PKN2: variants seen among roughly 807,000 people sequenced by gnomAD.
PKN2 encodes the protein protein kinase N2.
Under a neutral mutation model 119.1 loss-of-function variants are expected in PKN2, and 38 were observed. The observed-to-expected ratio is 0.32, with a 90% CI of 0.25 to 0.42. The LOEUF (loss-of-function observed/expected upper bound fraction) is 0.42, where lower values mean the gene tolerates loss of function less well. Among genes scored for constraint, PKN2 ranks in the 10% least tolerant of loss-of-function variants. The probability of loss-of-function intolerance (pLI) is 1.00; values close to 1 mark genes in which losing one functional copy is unlikely to be tolerated. For synonymous variants in PKN2, 390 were observed against 384.9 expected (o/e 1.01, Z -0.15); for missense variants, 850 against 1,165.1 (o/e 0.73, Z 3.94).
intron 2 of PKN2, among the ~76,000 whole-genome samples, chr1:88,749,980 G>T (rs1668922772): frequency 6.6e-6 from 1 of 152,150 alleles, no homozygotes; most frequent in Admixed American, 6.5e-5. Context: ...AAGACCAAAG[G>T]TTATATCATC....
intron 15 of PKN2, among the ~76,000 whole-genome samples, chr1:88,807,981 G>T (rs1671618626): frequency 6.6e-6 from 1 of 151,834 alleles, no homozygotes. Context: ...CTGGTTAATG[G>T]ATACCAAAAA....
rs948306251 is a variant in PKN2 at position 88,835,820 on chromosome 1, A to G, written c.*2372A>G. The G allele has an allele frequency of 7.2e-5, 11 of 152,546 alleles. No individual in the cohort carries two copies. The highest frequency in any genetic ancestry group is 2.7e-4 in the African/African-American group (11 of 41,452). 9.4% of individuals were successfully genotyped at this position (152,546 alleles called of 1,614,324 possible). A position where few individuals can be genotyped will look rare whatever the true frequency, so the allele number is the denominator to read the frequency against. ...GAAATTTGTAACTTTGGTTTTAAGT[A>G]TTCTTTCCTTTTAGAAACTTCCTAA... is the stretch of plus-strand genomic sequence containing the variant. On this transcript the variant is annotated 3_prime_UTR_variant, in exon 22 of 22. Coordinates refer to ENST00000370521, the MANE Select transcript of PKN2 (RefSeq NM_006256.4).
chr1:88,723,696 A>G (rs950290418), intron 1 of PKN2, among the ~76,000 whole-genome samples: 1 of 152,144 alleles, frequency 6.6e-6, no homozygotes, highest in Non-Finnish European at 1.5e-5. Context: ...GTGTAAATCC[A>G]GGTATCCTTT....
At chr1:88,703,202 G>GT (rs898880570) in intron 1 of PKN2, among the ~76,000 whole-genome samples, 23 of 151,456 alleles carry the variant, frequency 1.5e-4, no homozygotes, top group Admixed American at 5.9e-4. Flanking sequence ...AGCAACCAAA[G>GT]TTTTTTTTTA....
chr1:88,730,164 C>CA (rs796401782), intron 1 of PKN2, among the ~76,000 whole-genome samples: 3,045 of 115,150 alleles, frequency 0.026, 29 homozygotes, highest in East Asian at 0.071. Context: ...GACTCCGTCT[C>CA]AAAAAAAAAA....
Position 88,805,610 on chromosome 1 carries a change from C to G in PKN2, c.1615C>G (p.Pro539Ala). The change falls in exon 11 of 22, where the codon CCT becomes GCT. Residue 539 changes from proline to alanine, a missense_variant. Physicochemically the swap from Pro to Ala is conservative, Grantham distance 27 (BLOSUM62 -1). Around this residue, in one of 9 missense-constraint regions of PKN2, gnomAD observed 216 missense variants for 252.8 expected, o/e 0.85. Coordinates refer to ENST00000370521, the MANE Select transcript of PKN2 (RefSeq NM_006256.4). ...NHSGTFSPQAPVPTTVPVVDV... is the reference protein window; with the variant it reads ...NHSGTFSPQAAVPTTVPVVDV... ...TTCTGGCACCTTCAGCCCTCAAGCTCCTGTGCCTACTACAGTGCCAGTGGT... is the reference window on the plus strand; with the variant it reads ...TTCTGGCACCTTCAGCCCTCAAGCTGCTGTGCCTACTACAGTGCCAGTGGT... The G allele has an allele frequency of 6.2e-7, 1 of 1,614,064 alleles. No homozygotes were observed. The highest frequency in any genetic ancestry group is 8.5e-7 in the Non-Finnish European group (1 of 1,179,996).
At chr1:88,718,776 A>G (rs1367545524) in intron 1 of PKN2, among the ~76,000 whole-genome samples, 1 of 152,194 alleles carries the variant, frequency 6.6e-6, no homozygotes, top group Non-Finnish European at 1.5e-5. Flanking sequence ...AATGAAATCC[A>G]GTATTTACTT....
chr1:88,746,769 G>T (rs1322885638), intron 2 of PKN2, among the ~76,000 whole-genome samples: 3 of 152,102 alleles, frequency 2.0e-5, no homozygotes, highest in Non-Finnish European at 4.4e-5. Flanking sequence ...TATATTCAAA[G>T]AAATTTAAAT....
chr1:88,751,623 T>C (rs1403083197), intron 2 of PKN2, among the ~76,000 whole-genome samples: 1 of 152,190 alleles, frequency 6.6e-6, no homozygotes, highest in African/African-American at 2.4e-5. Flanking sequence ...TTGTTGGCCA[T>C]GTTCTATTTA....
chr1:88,802,274 C>G (rs926124705), intron 8 of PKN2, among the ~76,000 whole-genome samples: 6 of 152,070 alleles, frequency 3.9e-5, no homozygotes, highest in South Asian at 4.2e-4. Context: ...AGCTTAAGGT[C>G]TGTGAGGTGA....
intron 2 of PKN2, among the ~76,000 whole-genome samples, chr1:88,751,374 A>G (rs894871535): frequency 6.8e-6 from 1 of 146,472 alleles, no homozygotes; most frequent in African/African-American, 2.7e-5. Context: ...ATATATTTAC[A>G]CATACACACA....
At chr1:88,753,484 G>T (rs1427289526) in intron 2 of PKN2, among the ~76,000 whole-genome samples, 1 of 151,800 alleles carries the variant, frequency 6.6e-6, no homozygotes, top group Non-Finnish European at 1.5e-5. Context: ...GTCTATTCTC[G>T]CACTGCTGTA....
At chr1:88,698,753 T>C (rs969790970) in intron 1 of PKN2, among the ~76,000 whole-genome samples, 1 of 152,234 alleles carries the variant, frequency 6.6e-6, no homozygotes, top group Admixed American at 6.5e-5. Flanking sequence ...ATTATAATTT[T>C]AAATTTTTGA....
At chr1:88,763,590 A>G (rs944354774) in intron 3 of PKN2, among the ~76,000 whole-genome samples, 2 of 149,594 alleles carry the variant, frequency 1.3e-5, no homozygotes, top group African/African-American at 5.0e-5. Flanking sequence ...CTGGGCAACA[A>G]AAGCAAAACT....
intron 7 of PKN2, among the ~76,000 whole-genome samples, chr1:88,785,858 A>C (rs558926657): frequency 6.6e-6 from 1 of 152,354 alleles, no homozygotes; most frequent in Admixed American, 6.5e-5. Flanking sequence ...TCTTTCAGTC[A>C]CATGCCAATG....
At position 88,807,322 on chromosome 1, in the gene PKN2, A is replaced by T; in HGVS notation, c.1813A>T (p.Thr605Ser). The T allele has an allele frequency of 6.4e-7, 1 of 1,560,294 alleles. No individual in the cohort carries two copies. The highest frequency in any genetic ancestry group is 1.2e-5 in the South Asian group (1 of 85,470). ...VLDIPGQDSE[T>S]VFDIQNDRNS... The stretch of plus-strand genomic sequence containing the variant: ...ATTTAATATTTTACAGGATTCAGAG[A>T]CTGTTTTTGATATTCAGAATGACAG... Residue 605 changes from threonine (T) to serine (S), a missense_variant, in exon 13 of 22, where the codon ACT (threonine) becomes TCT (serine). Thr to Ser is a moderately conservative substitution (Grantham distance 58, BLOSUM62 1). Transcript: ENST00000370521.
chr1:88,709,957 A>G (rs2100682952), intron 1 of PKN2, among the ~76,000 whole-genome samples: 1 of 152,300 alleles, frequency 6.6e-6, no homozygotes, highest in Admixed American at 6.5e-5. Context: ...CAGGTAAAAA[A>G]ATGATCCTTA....
intron 2 of PKN2, among the ~76,000 whole-genome samples, chr1:88,751,555 C>A (rs921159859): frequency 1.3e-5 from 2 of 152,034 alleles, no homozygotes; most frequent in African/African-American, 4.8e-5. Flanking sequence ...CAACTAGATT[C>A]TTGAATGGCA....
intron 1 of PKN2, among the ~76,000 whole-genome samples, chr1:88,710,757 T>G (rs1264174581): frequency 2.6e-5 from 4 of 152,238 alleles, no homozygotes; most frequent in Non-Finnish European, 5.9e-5. Flanking sequence ...TTCAAAGACC[T>G]AAAGACAGAA....
Sources: allele counts gnomAD v4.1 joint callset (sites outside exome capture counted in the v4.1 genomes callset), GRCh38; gene constraint gnomAD v4.1.1; regional missense constraint gnomAD v4.1.1; transcripts MANE v1.5; gene names NCBI Gene and HGNC (gene_info 2026-07-23, HGNC 2026-07-21).